The following MGME1 variants were observed in gnomAD, a reference collection of about 807,000 sequenced individuals.
MGME1 encodes the protein chromosome 20 open reading frame 72.
In MGME1, 22 loss-of-function variants were observed where a neutral mutation model predicts 33.0. That is an observed-to-expected ratio of 0.67 (90% CI 0.48 to 0.95). The LOEUF (loss-of-function observed/expected upper bound fraction) is 0.95, where lower values mean the gene tolerates loss of function less well. Ranked by LOEUF, MGME1 falls within the 40% of genes least tolerant of loss-of-function variation. The pLI is 0.00. For synonymous variants in MGME1, 133 were observed against 144.0 expected, an observed-to-expected ratio of 0.92 and a Z score of 0.55; for missense variants, 383 against 397.8, an observed-to-expected ratio of 0.96 and a Z score of 0.32.
intron 3 of MGME1, among the ~76,000 whole-genome samples, chr20:17,977,157 C>T (rs921958800): frequency 2.6e-5 from 4 of 151,872 alleles, no homozygotes; most frequent in African/African-American, 9.7e-5. Flanking sequence ...GGGCAGATCA[C>T]CTGAGGTCAG....
chr20:17,975,650 TC>T (rs774735565), intron 2 of MGME1, 33 bp from the exon 3 acceptor site: 40 of 1,503,740 alleles, frequency 2.7e-5, no homozygotes, highest in Non-Finnish European at 3.2e-5. Context: ...TGTTTGTGTT[TC>T]CCCCCTCCCC....
At chr20:17,986,603 A>G (rs1413220766) in intron 3 of MGME1, among the ~76,000 whole-genome samples, 1 of 149,608 alleles carries the variant, frequency 6.7e-6, no homozygotes, top group South Asian at 2.1e-4. Flanking sequence ...CAAGCAGTCC[A>G]CCTGCCTTGG....
chr20:17,979,721 A>C (rs1419533015), intron 3 of MGME1, among the ~76,000 whole-genome samples: 1 of 148,324 alleles, frequency 6.7e-6, no homozygotes, highest in Non-Finnish European at 1.5e-5. Flanking sequence ...GGGCCTAATA[A>C]TTTTTTATTT....
At chr20:17,986,945 C>T (rs1290581728) in intron 3 of MGME1, among the ~76,000 whole-genome samples, 1 of 151,704 alleles carries the variant, frequency 6.6e-6, no homozygotes, top group Non-Finnish European at 1.5e-5. Flanking sequence ...GTTTGGGAGG[C>T]CAAGGCGGGT....
At chr20:17,981,789 G>A (rs1157328775) in intron 3 of MGME1, among the ~76,000 whole-genome samples, 1 of 152,006 alleles carries the variant, frequency 6.6e-6, no homozygotes, top group African/African-American at 2.4e-5. Flanking sequence ...GCCCTCCTGA[G>A]TAGCTGGGAT....
At chr20:17,977,004 T>A (rs1298703597) in intron 3 of MGME1, among the ~76,000 whole-genome samples, 1 of 151,886 alleles carries the variant, frequency 6.6e-6, no homozygotes, top group Admixed American at 6.6e-5. Context: ...TTTACTCAGG[T>A]ACTTCAGAGT....
At chr20:17,987,101 A>G (rs1003045068) in intron 3 of MGME1, among the ~76,000 whole-genome samples, 2 of 150,878 alleles carry the variant, frequency 1.3e-5, no homozygotes. Context: ...AATAGCTTGA[A>G]CCCAGGAGGC....
chr20:17,983,515 A>G (rs1415150845), intron 3 of MGME1, among the ~76,000 whole-genome samples: 1 of 151,778 alleles, frequency 6.6e-6, no homozygotes, highest in Non-Finnish European at 1.5e-5. Context: ...TTTCTGAGGA[A>G]CCTCCATGAT....
rs116666552 is a variant in MGME1, at chr20:17,985,087, C to T, written c.732-3079C>T. 6.2e-3 allele frequency among the ~76,000 whole-genome samples: 903 copies of T among 144,732 alleles called. 10 individuals are homozygous for T. Among genetic ancestry groups the T allele is most frequent in the African/African-American group, 0.022 (879 of 39,084 alleles). The allele number at this position is 144,732 out of a possible 152,430, so 94.9% of individuals were successfully genotyped here. A position where few individuals can be genotyped will look rare whatever the true frequency, so the allele number is the denominator to read the frequency against. ...AGGAAAATATTTCTGTATAGTTGTA[C>T]GATGTGTTTGTTTTAAGATAAGTAT... On this transcript the variant is annotated intron_variant, in intron 3 of 4. Coordinates refer to ENST00000377710, the MANE Select transcript of MGME1 (RefSeq NM_052865.4).
In MGME1 at chr20:17,988,020, C is replaced by CT. The variant is rs34055612; in HGVS notation, c.732-140dup. On this transcript the variant is annotated intron_variant, in intron 3 of 4. Coordinates refer to ENST00000377710, the MANE Select transcript of MGME1 (RefSeq NM_052865.4). ...CTGGGCAACATATGAAACCCCATCTCTTTTTTAAAAAAGGAAAAAAATGGT... is the reference window on the plus strand; with the variant it reads ...CTGGGCAACATATGAAACCCCATCTCTTTTTTTAAAAAAGGAAAAAAATGGT... 1.1e-5 allele frequency: 8 copies of CT among 756,124 alleles called. No homozygotes were observed. In the African/African-American group the frequency reaches 1.5e-4, roughly 14 times the overall value. 46.8% of individuals were successfully genotyped at this position (756,124 alleles called of 1,614,324 possible). A position where few individuals can be genotyped will look rare whatever the true frequency, so the allele number is the denominator to read the frequency against.
upstream of MGME1, chr20:17,968,915 A>AGACGCCGGCCCTTCCGC (rs1228812753): frequency 6.3e-6 from 1 of 158,544 alleles, no homozygotes; most frequent in Admixed American, 6.5e-5. Flanking sequence ...CGCGCTTCGG[A>AGACGCCGGCCCTTCCGC]GACGCCGGCC....
chr20:17,978,424 C>T (rs1211119044), intron 3 of MGME1, among the ~76,000 whole-genome samples: 2 of 152,032 alleles, frequency 1.3e-5, no homozygotes, highest in South Asian at 2.1e-4. Flanking sequence ...AGGCTGGTCT[C>T]GAACTCCTGA....
At chr20:17,980,206 CAT>C (rs1356042376) in intron 3 of MGME1, among the ~76,000 whole-genome samples, 2 of 151,516 alleles carry the variant, frequency 1.3e-5, no homozygotes, top group African/African-American at 4.8e-5. Context: ...TTGTATTTTT[CAT>C]AGAGACGGGG....
Position 17,989,957 on chromosome 20 carries a change from G to C in MGME1, c.883G>C (p.Val295Leu). Residue 295 changes from valine to leucine, a missense_variant, in exon 5 of 5, where the codon GTG becomes CTG. By Grantham distance (32) the Val-to-Leu change is conservative. Coordinates refer to ENST00000377710, the MANE Select transcript of MGME1 (RefSeq NM_052865.4). ...TTCCTAGGTTCAATGTGGCTTAATT[G>C]TGGTGGCCTACAAAGATGGATCACC... is the stretch of plus-strand genomic sequence containing the variant. Reference protein sequence around the residue: ...YSFQVQCGLIVVAYKDGSPAH... With the variant: ...YSFQVQCGLILVAYKDGSPAH... 1 of 1,614,106 alleles carries C rather than the reference G, an allele frequency of 6.2e-7. No homozygotes were observed. Among genetic ancestry groups the C allele is most frequent in the Non-Finnish European group, 8.5e-7 (1 of 1,180,008 alleles).
In MGME1 at chr20:17,970,046, A is replaced by G; in HGVS notation, c.187A>G (p.Arg63Gly). ...SNLVQSVLSS[R>G]GVAQTPGSVE... ...TTTAGTTCAGTCTGTCTTGTCATCC[A>G]GAGGCGTCGCCCAGACCCCGGGATC... Residue 63 changes from arginine (R) to glycine (G), a missense_variant, in exon 2 of 5, where the codon AGA (arginine) becomes GGA (glycine). Coordinates refer to ENST00000377710, the MANE Select transcript of MGME1 (RefSeq NM_052865.4). The G allele has an allele frequency of 6.2e-7, 1 of 1,614,230 alleles. No individual in the cohort carries two copies. Among genetic ancestry groups the G allele is most frequent in the Non-Finnish European group, 8.5e-7 (1 of 1,180,036 alleles).
intron 2 of MGME1, among the ~76,000 whole-genome samples, chr20:17,975,245 G>A (rs2035828790): frequency 6.6e-6 from 1 of 151,984 alleles, no homozygotes; most frequent in African/African-American, 2.4e-5. Flanking sequence ...GGTCTTAGGG[G>A]TTGTCACTTA....
rs773391217 is a variant in MGME1 at position 17,970,155 on chromosome 20, A to G, written c.296A>G (p.Asn99Ser). 8 of 1,614,214 alleles carry G rather than the reference A, an allele frequency of 5.0e-6. 1 individual carries two copies. In the South Asian group the frequency reaches 8.8e-5, roughly 18 times the overall value. Residue 99 changes from asparagine (N) to serine (S), a missense_variant, in exon 2 of 5, where the codon AAC (asparagine) becomes AGC (serine). Coordinates refer to ENST00000377710, the MANE Select transcript of MGME1 (RefSeq NM_052865.4). ...GGTGAGGACAGACGAGTGCCACAAA[A>G]CTGGTTTCCTATCTTCAATCCAGAG... is the stretch of plus-strand genomic sequence containing the variant. ...NQGEDRRVPQ[N>S]WFPIFNPERS...
intron 3 of MGME1, among the ~76,000 whole-genome samples, chr20:17,982,320 A>C (rs1286530527): frequency 6.6e-6 from 1 of 151,886 alleles, no homozygotes; most frequent in Non-Finnish European, 1.5e-5. Flanking sequence ...GGGTTTCACC[A>C]TGTTGGCCAG....
In MGME1 at chr20:17,970,286, AAAC is replaced by A. The variant is rs780829003; in HGVS notation, c.432_434del (p.Gln145del). On this transcript the variant is annotated inframe_deletion, in exon 2 of 5. Transcript: ENST00000377710. ...CCGAGTCCTTCAGCAGACCATGACA[AAAC>A]AACAGGTTTTCTTGTTGGAGAGGTG... The A allele has an allele frequency of 4.3e-6, 7 of 1,614,244 alleles. No homozygotes were observed. In the East Asian group the frequency reaches 8.9e-5, roughly 21 times the overall value.
Sources: gnomAD v4.1 joint callset for allele counts (sites outside exome capture counted in the v4.1 genomes callset) on GRCh38, gnomAD v4.1.1 for gene constraint, MANE v1.5 for transcripts, NCBI Gene and HGNC (gene_info 2026-07-23, HGNC 2026-07-21) for gene names.